The following NRG4 variants were observed in gnomAD, a reference collection of about 807,000 sequenced individuals.
NRG4 encodes the protein neuregulin 4.
Under a neutral mutation model 15.0 loss-of-function variants are expected in NRG4, and 10 were observed. That is an observed-to-expected ratio of 0.67 (90% CI 0.41 to 1.13). NRG4 has a LOEUF of 1.13. Among genes scored for constraint, NRG4 ranks in the 50% most tolerant of loss-of-function variants. The probability of loss-of-function intolerance (pLI) is 0.00; values close to 1 mark genes in which losing one functional copy is unlikely to be tolerated. For synonymous variants in NRG4, 41 were observed against 50.1 expected (o/e 0.82, Z 0.77); for missense variants, 139 against 140.2 (o/e 0.99, Z 0.04).
chr15:75,967,113 A>G (rs1296263211), intron 3 of NRG4, among the ~76,000 whole-genome samples: 1 of 99,398 alleles, frequency 1.0e-5, no homozygotes, highest in Non-Finnish European at 2.1e-5. Context: ...ACTCCGTCTC[A>G]AAAAAAAAAA....
intron 3 of NRG4, 42 bp downstream of exon 3, chr15:76,009,158 A>G (rs1294287073): frequency 2.1e-6 from 2 of 959,278 alleles, no homozygotes. Flanking sequence ...AGTAGACAAT[A>G]AAAAATAAAG....
chr15:75,937,964 C>G (rs560600109), downstream of NRG4: 4 of 152,302 alleles, frequency 2.6e-5, no homozygotes, highest in South Asian at 2.1e-4. Flanking sequence ...AAATTAAGAA[C>G]AGTTACATAT....
chr15:75,950,268 A>G (rs2031800139), intron 5 of NRG4, among the ~76,000 whole-genome samples: 1 of 152,130 alleles, frequency 6.6e-6, no homozygotes, highest in South Asian at 2.1e-4. Flanking sequence ...TCTAATTGTC[A>G]CTGATATATA....
intron 2 of NRG4, among the ~76,000 whole-genome samples, chr15:76,010,438 G>C (rs1454359389): frequency 6.6e-6 from 1 of 151,968 alleles, no homozygotes; most frequent in Non-Finnish European, 1.5e-5. Context: ...TACTTGCTAA[G>C]ATATAATTGC....
Position 75,943,574 on chromosome 15 carries a change from AGTG to A in NRG4, c.*61_*63del, listed in dbSNP as rs1446741546. The A allele has an allele frequency of 1.1e-5, 10 of 932,242 alleles. No individual in the cohort carries two copies. The African/African-American group carries it at 1.5e-4, about 14-fold the overall frequency. 57.7% of individuals were successfully genotyped at this position (932,242 alleles called of 1,614,324 possible). ...GATTAGATTTTTAATTCTTTTACCT[AGTG>A]GTGTTTCATTTTCTGCCTTTGTAAA... On this transcript the variant is annotated 3_prime_UTR_variant, in exon 6 of 6. Transcript: ENST00000394907.
intron 5 of NRG4, among the ~76,000 whole-genome samples, chr15:76,031,854 C>CAAAT (rs970773727): frequency 4.6e-5 from 7 of 151,776 alleles, no homozygotes; most frequent in African/African-American, 1.7e-4. Flanking sequence ...GACTCTGTCT[C>CAAAT]AAATAAATAA....
At chr15:75,993,932 A>G (rs2034119568) in intron 3 of NRG4, among the ~76,000 whole-genome samples, 1 of 152,184 alleles carries the variant, frequency 6.6e-6, no homozygotes, top group Non-Finnish European at 1.5e-5. Flanking sequence ...ATCCTTGAGA[A>G]TAAATCCTTA....
At chr15:76,035,102 A>G (rs1030787051) in intron 5 of NRG4, among the ~76,000 whole-genome samples, 5 of 152,210 alleles carry the variant, frequency 3.3e-5, no homozygotes, top group Non-Finnish European at 7.3e-5. Context: ...GTCTGGAGGT[A>G]GGTAGTCCAA....
downstream of NRG4, chr15:75,937,874 G>A (rs1595925582): frequency 8.5e-6 from 1 of 118,040 alleles, no homozygotes; most frequent in Admixed American, 8.4e-5. Context: ...AACCACAGGT[G>A]CATGGGGCAA....
intron 2 of NRG4, chr15:76,053,018 A>C (rs1337691313): frequency 6.6e-6 from 1 of 151,148 alleles, no homozygotes; most frequent in Non-Finnish European, 1.5e-5. Context: ...TTTCTCCTTT[A>C]TGTGAAAATA....
intron 4 of NRG4, among the ~76,000 whole-genome samples, chr15:76,038,601 C>A (rs949771322): frequency 3.9e-5 from 6 of 152,244 alleles, no homozygotes; most frequent in Admixed American, 6.5e-5. Flanking sequence ...TGGAATACAA[C>A]ACCAGGAAGA....
chr15:75,955,870 C>A (rs916499754), intron 5 of NRG4, 62 bp downstream of exon 5: 2 of 905,408 alleles, frequency 2.2e-6, no homozygotes, highest in East Asian at 2.7e-5. Context: ...CAAATCCCTA[C>A]ATCTAACAAC....
At chr15:76,050,977 ATTTAT>A (rs2035995002) in intron 4 of NRG4, among the ~76,000 whole-genome samples, 1 of 142,088 alleles carries the variant, frequency 7.0e-6, no homozygotes, top group African/African-American at 2.8e-5. Flanking sequence ...GCCTATTTTT[ATTTAT>A]TTATTTATTT....
intron 3 of NRG4, among the ~76,000 whole-genome samples, chr15:75,978,296 A>G (rs572026261): frequency 1.3e-5 from 2 of 152,286 alleles, no homozygotes; most frequent in East Asian, 1.9e-4. Flanking sequence ...GAGAGCATGC[A>G]GTATTTGTCT....
chr15:75,949,598 C>A (rs2031757717), intron 5 of NRG4, among the ~76,000 whole-genome samples: 1 of 152,100 alleles, frequency 6.6e-6, no homozygotes, highest in Non-Finnish European at 1.5e-5. Flanking sequence ...TTACATGAAG[C>A]CCAATTTATG....
In NRG4 at chr15:75,942,269, G is replaced by A. The variant is rs2031068529; in HGVS notation, c.*1369C>T. On this transcript the variant is annotated 3_prime_UTR_variant, in exon 6 of 6. Coordinates refer to ENST00000394907, the MANE Select transcript of NRG4 (RefSeq NM_138573.4). ...TTATATATTGGTCAAAATCCATAAA[G>A]ACATACAACAAAAAGAGGACCCTTC... is the stretch of plus-strand genomic sequence containing the variant. 6.6e-6 allele frequency: 1 copy of A among 152,022 alleles called. No homozygotes were observed. The highest frequency in any genetic ancestry group is 6.6e-5 in the Admixed American group (1 of 15,260). The allele number at this position is 152,022 out of a possible 1,614,324, so 9.4% of individuals were successfully genotyped here.
intron 3 of NRG4, among the ~76,000 whole-genome samples, chr15:75,981,149 A>T (rs894618665): frequency 6.6e-6 from 1 of 152,206 alleles, no homozygotes; most frequent in Non-Finnish European, 1.5e-5. Context: ...GACAAGGAGA[A>T]TATGGTAGAT....
chr15:75,969,070 C>T (rs994329047), intron 3 of NRG4: 3 of 382,982 alleles, frequency 7.8e-6, no homozygotes, highest in Non-Finnish European at 1.6e-5. Flanking sequence ...ACTCTTAAAT[C>T]ACCAGACACT....
At chr15:75,986,039 C>T (rs925786370) in intron 3 of NRG4, among the ~76,000 whole-genome samples, 25 of 152,298 alleles carry the variant, frequency 1.6e-4, no homozygotes, top group African/African-American at 6.0e-4. Flanking sequence ...CTCAACCTCA[C>T]CTATCAAAAG....
Sources: gnomAD v4.1 joint callset for allele counts (sites outside exome capture counted in the v4.1 genomes callset) on GRCh38, gnomAD v4.1.1 for gene constraint, MANE v1.5 for transcripts, NCBI Gene and HGNC (gene_info 2026-07-23, HGNC 2026-07-21) for gene names.